Variants in NMNAT1 observed in about 807,000 individuals in gnomAD.
The protein encoded by NMNAT1 is nicotinamide/nicotinic acid mononucleotide adenylyltransferase 1.
NMNAT1 carries 11 observed loss-of-function variants against 16.7 expected under a neutral mutation model. The observed-to-expected ratio is 0.66, with a 90% CI of 0.41 to 1.09. The LOEUF is 1.09. NMNAT1 is among the 50% of genes least tolerant of loss of function. The pLI, the probability that NMNAT1 is intolerant of heterozygous loss-of-function variation, is 0.00. For missense variants in NMNAT1, 280 were observed against 332.3 expected, an observed-to-expected ratio of 0.84 and a Z score of 1.22; for synonymous variants, 110 against 119.8, an observed-to-expected ratio of 0.92 and a Z score of 0.53.
chr1:9,960,289 AAAAACAAAAAC>A (rs1303570533), intron 1 of NMNAT1, among the ~76,000 whole-genome samples: 1 of 127,314 alleles, frequency 7.9e-6, no homozygotes, highest in African/African-American at 3.0e-5. Context: ...TATCTCTAAA[AAAAACAAAAAC>A]AAAAACAAAA....
At chr1:9,966,864 C>A (rs1020380490) in intron 1 of NMNAT1, among the ~76,000 whole-genome samples, 16 of 152,188 alleles carry the variant, frequency 1.1e-4, no homozygotes, top group African/African-American at 3.6e-4. Flanking sequence ...CTCAGACTTT[C>A]AACAGCAATG....
chr1:9,996,795 C>A, the NMNAT1 span, among the ~76,000 whole-genome samples: 1 of 152,086 alleles, frequency 6.6e-6, no homozygotes, highest in Admixed American at 6.6e-5. Context: ...TACCGAGGTG[C>A]GAATCACTGT....
chr1:9,949,576 A>ATT (rs1423226836), intron 1 of NMNAT1: 3 of 70,218 alleles, frequency 4.3e-5, no homozygotes, highest in East Asian at 4.9e-4. Context: ...GGCCCAGCTA[A>ATT]TTTTTGTGTG....
intron 1 of NMNAT1, among the ~76,000 whole-genome samples, chr1:9,971,447 G>A (rs1473637789): frequency 1.3e-5 from 2 of 151,946 alleles, no homozygotes; most frequent in Admixed American, 6.6e-5. Context: ...CCAAGTAGCT[G>A]GGATTACAGG....
At chr1:9,973,940 C>T (rs1262220333) in intron 2 of NMNAT1, among the ~76,000 whole-genome samples, 4 of 151,414 alleles carry the variant, frequency 2.6e-5, no homozygotes, top group Non-Finnish European at 5.9e-5. Context: ...TGGATTCAAG[C>T]GATTCTTTTG....
intron 1 of NMNAT1, among the ~76,000 whole-genome samples, chr1:9,965,098 C>T (rs891013852): frequency 6.6e-6 from 1 of 151,768 alleles, no homozygotes; most frequent in Non-Finnish European, 1.5e-5. Flanking sequence ...GCGGGTGGAT[C>T]ACCAGGTCAA....
intron 1 of NMNAT1, among the ~76,000 whole-genome samples, chr1:9,962,795 C>T (rs949064352): frequency 5.3e-5 from 8 of 151,420 alleles, no homozygotes; most frequent in Non-Finnish European, 1.2e-4. Context: ...CATTCTCCCG[C>T]CTCAGCCTCC....
chr1:9,959,484 C>T (rs1383394361), intron 1 of NMNAT1, among the ~76,000 whole-genome samples: 3 of 150,234 alleles, frequency 2.0e-5, no homozygotes, highest in Non-Finnish European at 4.4e-5. Flanking sequence ...AGTTCAAGAC[C>T]AGCATGACCA....
chr1:9,966,477 G>A (rs942528287), intron 1 of NMNAT1, among the ~76,000 whole-genome samples: 1 of 152,046 alleles, frequency 6.6e-6, no homozygotes, highest in East Asian at 1.9e-4. Context: ...GCTGGGCATG[G>A]TGGCAGGCAC....
At chr1:9,952,832 C>T (rs1333962282) in intron 1 of NMNAT1, among the ~76,000 whole-genome samples, 1 of 152,076 alleles carries the variant, frequency 6.6e-6, no homozygotes, top group African/African-American at 2.4e-5. Context: ...AGCCACCACG[C>T]TCGGCTAGAA....
downstream of NMNAT1, among the ~76,000 whole-genome samples, chr1:9,990,220 G>A (rs1217052729): frequency 6.6e-6 from 1 of 152,214 alleles, no homozygotes; most frequent in Non-Finnish European, 1.5e-5. Context: ...ACATAGGGCA[G>A]AATGGAAGGT....
intron 2 of NMNAT1, among the ~76,000 whole-genome samples, chr1:9,973,172 A>G (rs751434364): frequency 3.3e-5 from 5 of 151,992 alleles, no homozygotes; most frequent in Admixed American, 2.6e-4. Context: ...GCTGGAGTGC[A>G]GTGGCGCGAT....
chr1:9,968,365 C>T (rs546260243), intron 1 of NMNAT1, among the ~76,000 whole-genome samples: 2 of 151,304 alleles, frequency 1.3e-5, no homozygotes, highest in Non-Finnish European at 2.9e-5. Flanking sequence ...AGCCGCCGCG[C>T]CTGGCCTGCC....
intron 1 of NMNAT1, among the ~76,000 whole-genome samples, chr1:9,944,629 C>T (rs560738227): frequency 2.6e-5 from 4 of 152,148 alleles, no homozygotes; most frequent in Non-Finnish European, 5.9e-5. Flanking sequence ...GATCCTCTGG[C>T]CTTGGCCCCT....
chr1:9,965,189 G>C (rs12128632), intron 1 of NMNAT1, among the ~76,000 whole-genome samples: 117,141 of 148,760 alleles, frequency 0.79, 48,559 homozygotes, highest in Non-Finnish European at 0.92. Context: ...TGGTGGCGTG[G>C]GCCTGTAGTC....
At chr1:9,993,046 G>A in the NMNAT1 span, among the ~76,000 whole-genome samples, 1 of 152,210 alleles carries the variant, frequency 6.6e-6, no homozygotes, top group Non-Finnish European at 1.5e-5. Context: ...CCAAGACTCT[G>A]AAGGAAAGGG....
chr1:9,977,068 G>A lies in NMNAT1; in HGVS notation c.299+1293G>A, dbSNP rs111829011. ...ATTACAGGCGCCTGCCACCACGCCC[G>A]GCTAATTTTTGTATTTTTAGTAGAG... is the stretch of plus-strand genomic sequence containing the variant. On this transcript the variant is annotated intron_variant, in intron 3 of 4. Coordinates refer to ENST00000377205, the MANE Select transcript of NMNAT1 (RefSeq NM_022787.4). Among the ~76,000 whole-genome samples the A allele has an allele frequency of 7.4e-3, 1,119 of 150,476 alleles. 17 individuals are homozygous for A. Among genetic ancestry groups the A allele is most frequent in the African/African-American group, 0.026 (1,076 of 40,970 alleles).
rs1405020783 is a variant in NMNAT1 at position 9,982,361 on chromosome 1, A to G, written c.500A>G (p.Asn167Ser). ...ADLLESFAVP[N>S]LWKSEDITQI... ...TTATTGGAGTCCTTTGCTGTTCCCA[A>G]TTTGTGGAAGAGTGAAGACATCACC... Residue 167 changes from asparagine to serine, a missense_variant, in exon 5 of 5, where the codon AAT becomes AGT. Physicochemically the swap from Asn to Ser is conservative, Grantham distance 46. Transcript: ENST00000377205. 2 of 1,614,088 alleles carry G rather than the reference A, an allele frequency of 1.2e-6. No homozygotes were observed. Among genetic ancestry groups the G allele is most frequent in the Non-Finnish European group, 1.7e-6 (2 of 1,180,006 alleles).
Position 9,982,377 on chromosome 1 carries a change from A to T in NMNAT1, c.516A>T (p.Glu172Asp), listed in dbSNP as rs1163983606. 12 of 1,614,058 alleles carry T rather than the reference A, an allele frequency of 7.4e-6. No homozygotes were observed. The highest frequency in any genetic ancestry group is 1.0e-5 in the Non-Finnish European group (12 of 1,180,040). ...SFAVPNLWKS[E>D]DITQIVANYG... is the part of the protein sequence containing the mutation. ...CTGTTCCCAATTTGTGGAAGAGTGAAGACATCACCCAAATCGTGGCCAACT... is the reference window on the plus strand; with the variant it reads ...CTGTTCCCAATTTGTGGAAGAGTGATGACATCACCCAAATCGTGGCCAACT... The change falls in exon 5 of 5, where the codon GAA (glutamate) becomes GAT (aspartate). Residue 172 changes from glutamate to aspartate, a missense_variant. Transcript: ENST00000377205.
Sources: allele counts gnomAD v4.1 joint callset (sites outside exome capture counted in the v4.1 genomes callset), GRCh38; gene constraint gnomAD v4.1.1; transcripts MANE v1.5; gene names NCBI Gene and HGNC (gene_info 2026-07-23, HGNC 2026-07-21).